Variants in KIF25 observed in about 807,000 individuals in gnomAD.
The protein encoded by KIF25 is kinesin family member 25.
Under a neutral mutation model 32.9 loss-of-function variants are expected in KIF25, and 19 were observed. That is an observed-to-expected ratio of 0.58 (90% confidence interval 0.40 to 0.85). The LOEUF (loss-of-function observed/expected upper bound fraction) is 0.85. KIF25 is among the 40% of genes least tolerant of loss of function. The probability of loss-of-function intolerance (pLI) is 0.00; values close to 1 mark genes in which losing one functional copy is unlikely to be tolerated. For synonymous variants in KIF25, 225 were observed against 213.7 expected (o/e 1.05, Z -0.46); for missense variants, 485 against 507.0 (o/e 0.96, Z 0.42).
At chr6:168,005,739 T>G (rs1798571195) in intron 4 of KIF25, among the ~76,000 whole-genome samples, 1 of 152,104 alleles carries the variant, frequency 6.6e-6, no homozygotes, top group Admixed American at 6.5e-5. Flanking sequence ...GCTAGGCCAG[T>G]CTCTCTCTTC....
intron 4 of KIF25, among the ~76,000 whole-genome samples, chr6:168,011,523 C>A (rs557619225): frequency 6.6e-6 from 1 of 152,150 alleles, no homozygotes; most frequent in South Asian, 2.1e-4. Context: ...CTATATTATC[C>A]CATTCTCTCC....
chr6:168,019,148 C>T (rs1442699692), intron 5 of KIF25, among the ~76,000 whole-genome samples: 4 of 152,200 alleles, frequency 2.6e-5, no homozygotes, highest in Non-Finnish European at 5.9e-5. Flanking sequence ...TAACTGCTGG[C>T]ATCCCATAAT....
intron 4 of KIF25, among the ~76,000 whole-genome samples, chr6:168,006,947 G>C (rs769955193): frequency 4.6e-5 from 7 of 152,158 alleles, no homozygotes; most frequent in Non-Finnish European, 5.9e-5. Flanking sequence ...TATGTCCCCA[G>C]AAAGAAAAAC....
Position 168,038,722 on chromosome 6 carries a change from G to C in KIF25, c.487G>C (p.Ala163Pro). The C allele has an allele frequency of 6.2e-7, 1 of 1,613,266 alleles. No individual in the cohort carries two copies. Among genetic ancestry groups the C allele is most frequent in the Non-Finnish European group, 8.5e-7 (1 of 1,179,894 alleles). ...KDGRTEVALL[A>P]SEAVGSASKL... The stretch of plus-strand genomic sequence containing the variant: ...TGGACGGACAGAGGTTGCGCTGCTG[G>C]CCTCTGAGTGAGTACTGCACCTGCC... The change falls in exon 9 of 13, where the codon GCC becomes CCC. Residue 163 changes from alanine (A) to proline (P), a missense_variant. Transcript: ENST00000643607.
chr6:168,020,058 G>T (rs879736226), intron 5 of KIF25, among the ~76,000 whole-genome samples: 2 of 152,156 alleles, frequency 1.3e-5, no homozygotes, highest in Non-Finnish European at 1.5e-5. Flanking sequence ...TTGAACTCAA[G>T]ATGTGGAGGT....
At chr6:168,016,446 C>G (rs563674212) in intron 4 of KIF25, among the ~76,000 whole-genome samples, 4 of 152,344 alleles carry the variant, frequency 2.6e-5, no homozygotes, top group Admixed American at 6.5e-5. Flanking sequence ...CCCCAGCCAC[C>G]GGCTGCTCCT....
intron 7 of KIF25, among the ~76,000 whole-genome samples, chr6:168,033,302 C>A (rs1162102643): frequency 1.3e-5 from 2 of 152,144 alleles, no homozygotes; most frequent in African/African-American, 4.8e-5. Flanking sequence ...GAGTTTGAGA[C>A]CAGCCTGGCC....
intron 4 of KIF25, among the ~76,000 whole-genome samples, chr6:168,015,824 T>G (rs1400607249): frequency 1.3e-5 from 2 of 152,350 alleles, no homozygotes; most frequent in East Asian, 3.9e-4. Flanking sequence ...AATGAAGTTC[T>G]AAATAGCATG....
At chr6:168,032,425 C>G (rs1422306732) in intron 7 of KIF25, among the ~76,000 whole-genome samples, 2 of 152,236 alleles carry the variant, frequency 1.3e-5, no homozygotes, top group Non-Finnish European at 2.9e-5. Context: ...TTCAGGGAAG[C>G]TGGAAGAGAC....
At position 168,036,834 on chromosome 6, in the gene KIF25, G is replaced by A. The variant is rs565752665; in HGVS notation, c.318-1719G>A. ...CCCATAACTTTGGGAGGCTTAGGCG[G>A]GTGGATCACCTGAGGCCAGGAGTTT... On this transcript the variant is annotated intron_variant, in intron 8 of 12. Coordinates refer to ENST00000643607, the MANE Select transcript of KIF25 (RefSeq NM_030615.4). Among the ~76,000 whole-genome samples the A allele has an allele frequency of 2.6e-5, 4 of 152,338 alleles. No individual in the cohort carries two copies. The South Asian group carries it at 8.3e-4, about 32-fold the overall frequency.
rs557646718 is a variant in KIF25, at chr6:168,033,321, G to A, written c.168-561G>A. 1.6e-3 allele frequency among the ~76,000 whole-genome samples: 239 copies of A among 152,208 alleles called. 1 individual carries two copies. Among genetic ancestry groups the A allele is most frequent in the Middle Eastern group, 6.8e-3 (2 of 294 alleles). On this transcript the variant is annotated intron_variant, in intron 7 of 12. Transcript: ENST00000643607. ...TTGAGACCAGCCTGGCCAATATGGC[G>A]AAACTCCATCTCTACTAAAAATACA...
At chr6:168,043,481 G>A (rs1384375835) in intron 12 of KIF25, among the ~76,000 whole-genome samples, 2 of 152,202 alleles carry the variant, frequency 1.3e-5, no homozygotes. Flanking sequence ...GACTCGGGGA[G>A]GCTGGAATGT....
chr6:168,008,608 A>G (rs1388907003), intron 4 of KIF25, among the ~76,000 whole-genome samples: 4 of 152,142 alleles, frequency 2.6e-5, no homozygotes, highest in African/African-American at 7.2e-5. Context: ...TTTCTGTGAA[A>G]AATGTCATTG....
At chr6:168,035,162 G>A (rs1428983037) in intron 8 of KIF25, among the ~76,000 whole-genome samples, 2 of 151,824 alleles carry the variant, frequency 1.3e-5, no homozygotes, top group African/African-American at 2.4e-5. Flanking sequence ...CCCCCGCCGC[G>A]TCTCTTCTCG....
intron 5 of KIF25, among the ~76,000 whole-genome samples, chr6:168,019,605 G>A (rs1376218600): frequency 6.6e-6 from 1 of 152,192 alleles, no homozygotes; most frequent in Non-Finnish European, 1.5e-5. Context: ...CTCCGGGGAC[G>A]GCTGGGCTGA....
intron 8 of KIF25, 47 bp downstream of exon 8, chr6:168,034,078 C>A: frequency 6.2e-7 from 1 of 1,603,170 alleles, no homozygotes; most frequent in Non-Finnish European, 8.5e-7. Flanking sequence ...GGCAGGGAAG[C>A]CAGGCGGTCA....
rs1259656065 is a variant in KIF25 at position 167,997,915 on chromosome 6, T to G, written c.-1554T>G. 6.6e-6 allele frequency among the ~76,000 whole-genome samples: 1 copy of G among 152,208 alleles called. No individual in the cohort carries two copies. Among genetic ancestry groups the G allele is most frequent in the East Asian group, 1.9e-4 (1 of 5,202 alleles). On this transcript the variant is annotated 5_prime_UTR_variant, in exon 1 of 13. Transcript: ENST00000643607. ...CTTCCCTGGCCATGCCGAGAGGTTC[T>G]CCAGCTGTTAGATGTGTCAAAGAAT...
intron 5 of KIF25, among the ~76,000 whole-genome samples, chr6:168,025,162 G>C (rs749923992): frequency 2.0e-5 from 3 of 152,200 alleles, no homozygotes; most frequent in Non-Finnish European, 2.9e-5. Context: ...GGTTTAGGTG[G>C]GACAGGCATC....
At chr6:168,015,558 C>T (rs769923185) in intron 4 of KIF25, among the ~76,000 whole-genome samples, 2 of 152,186 alleles carry the variant, frequency 1.3e-5, no homozygotes, top group Non-Finnish European at 2.9e-5. Flanking sequence ...TGTGTTCAGG[C>T]CTCTTCAGGG....
Sources: gnomAD v4.1 joint callset for allele counts (sites outside exome capture counted in the v4.1 genomes callset) on GRCh38, gnomAD v4.1.1 for gene constraint, MANE v1.5 for transcripts, NCBI Gene and HGNC (gene_info 2026-07-23, HGNC 2026-07-21) for gene names.